Variants in ZHX2 observed in about 807,000 individuals in gnomAD.
The protein encoded by ZHX2 is zinc fingers and homeoboxes 2.
ZHX2 carries 6 observed loss-of-function variants against 21.9 expected under a neutral mutation model. The observed-to-expected ratio is 0.27, with a 90% CI of 0.15 to 0.54. The LOEUF is 0.54. ZHX2 is among the 20% of genes least tolerant of loss of function. The pLI is 0.95. For missense variants in ZHX2, 908 were observed against 1,090.7 expected (o/e 0.83, Z 2.36); for synonymous variants, 434 against 437.1 (o/e 0.99, Z 0.09).
Position 122,949,385 on chromosome 8 carries a change from A to G in ZHX2, c.-219-1907A>G, listed in dbSNP as rs186022400. Among the ~76,000 whole-genome samples, 686 of 152,366 alleles carry G rather than the reference A, an allele frequency of 4.5e-3. 1 individual carries two copies. The highest frequency in any genetic ancestry group is 9.1e-3 in the South Asian group (44 of 4,834). On this transcript the variant is annotated intron_variant, in intron 2 of 3. Transcript: ENST00000314393. ...TTTGCAACAAACTTAGTAAAGCATTAGTATTATTTATGTAAAGAGAATTCT... is the reference window on the plus strand; with the variant it reads ...TTTGCAACAAACTTAGTAAAGCATTGGTATTATTTATGTAAAGAGAATTCT...
intron 2 of ZHX2, among the ~76,000 whole-genome samples, chr8:122,925,935 T>TG (rs201457410): frequency 0.012 from 1,834 of 151,442 alleles, 56 homozygotes; most frequent in Admixed American, 0.065. Context: ...TGGGACAGAG[T>TG]GGGGGGGCAC....
chr8:122,841,340 A>G (rs1169176542), intron 1 of ZHX2, among the ~76,000 whole-genome samples: 5 of 152,206 alleles, frequency 3.3e-5, no homozygotes, highest in Admixed American at 3.3e-4. Context: ...GTGGCGCATC[A>G]TAAGAATTCC....
chr8:122,906,588 T>C (rs1270361582), intron 2 of ZHX2, among the ~76,000 whole-genome samples: 1 of 152,076 alleles, frequency 6.6e-6, no homozygotes, highest in African/African-American at 2.4e-5. Context: ...TTAAAAGCAG[T>C]TACTTCTGGG....
chr8:122,833,804 G>A (rs1181153184), intron 1 of ZHX2, among the ~76,000 whole-genome samples: 2 of 152,092 alleles, frequency 1.3e-5, no homozygotes, highest in Non-Finnish European at 2.9e-5. Flanking sequence ...AGACCATCCT[G>A]GCTAACACGG....
chr8:122,789,200 G>A (rs1030191405), intron 1 of ZHX2, among the ~76,000 whole-genome samples: 6 of 152,208 alleles, frequency 3.9e-5, no homozygotes, highest in South Asian at 4.1e-4. Flanking sequence ...AATAAAAGAG[G>A]ATCATTGTAA....
At chr8:122,833,121 G>A (rs1818414963) in intron 1 of ZHX2, among the ~76,000 whole-genome samples, 2 of 152,150 alleles carry the variant, frequency 1.3e-5, no homozygotes. Flanking sequence ...CGAGTGTAAA[G>A]GAATTGTGAA....
At chr8:122,865,324 T>C (rs1455234676) in intron 2 of ZHX2, among the ~76,000 whole-genome samples, 2 of 152,036 alleles carry the variant, frequency 1.3e-5, no homozygotes, top group Non-Finnish European at 2.9e-5. Flanking sequence ...GAGATGGGGT[T>C]TCACCATGTT....
chr8:122,808,604 G>A (rs1171845265), intron 1 of ZHX2: 1 of 152,088 alleles, frequency 6.6e-6, no homozygotes, highest in African/African-American at 2.4e-5. Context: ...ATTTGGGTGG[G>A]GACACAGTCA....
intron 3 of ZHX2, among the ~76,000 whole-genome samples, chr8:122,956,400 A>G (rs1449435463): frequency 6.6e-6 from 1 of 152,096 alleles, no homozygotes; most frequent in Non-Finnish European, 1.5e-5. Flanking sequence ...CATCAGTGTG[A>G]TATGTGTTAC....
intron 1 of ZHX2, among the ~76,000 whole-genome samples, chr8:122,823,737 C>T (rs1818203350): frequency 6.6e-6 from 1 of 152,220 alleles, no homozygotes. Context: ...GATCTCTGCT[C>T]AGATATGGAC....
chr8:122,852,659 T>C (rs1818927258), intron 1 of ZHX2, among the ~76,000 whole-genome samples: 1 of 152,076 alleles, frequency 6.6e-6, no homozygotes, highest in African/African-American at 2.4e-5. Flanking sequence ...ATCCATGCTT[T>C]TGAGACCGAG....
chr8:122,841,038 T>C (rs1408600519), intron 1 of ZHX2, among the ~76,000 whole-genome samples: 1 of 152,166 alleles, frequency 6.6e-6, no homozygotes, highest in African/African-American at 2.4e-5. Flanking sequence ...ACATGAAAAC[T>C]CTTGTTTCGA....
At position 122,952,049 on chromosome 8, in the gene ZHX2, C is replaced by T. The variant is rs775637656; in HGVS notation, c.539C>T (p.Ser180Leu). ...ACTGGTGACAGTGATTCTGGGATCT[C>T]GGTGAGTAAAACCCCCATCATGAAG... is the stretch of plus-strand genomic sequence containing the variant. ...PGTGDSDSGI[S>L]VSKTPIMKPG... Residue 180 changes from serine to leucine, a missense_variant, in exon 3 of 4, where the codon TCG becomes TTG. By Grantham distance (145) the Ser-to-Leu change is moderately radical (BLOSUM62 -2). Around this residue, in one of 4 missense-constraint regions of ZHX2, gnomAD observed 220 missense variants for 251.4 expected, o/e 0.88. Coordinates refer to ENST00000314393, the MANE Select transcript of ZHX2 (RefSeq NM_014943.5). The surrounding 1 kb of genome is among the most constrained non-coding windows in gnomAD (Gnocchi z 6.9). 1.3e-4 allele frequency: 207 copies of T among 1,613,492 alleles called. 2 individuals are homozygous for T. The Middle Eastern group carries it at 2.6e-3, about 21-fold the overall frequency.
intron 2 of ZHX2, among the ~76,000 whole-genome samples, chr8:122,869,397 G>A (rs746160905): frequency 5.3e-5 from 8 of 151,140 alleles, no homozygotes; most frequent in African/African-American, 1.5e-4. Flanking sequence ...CTGCGATCTC[G>A]GCTCACTGCA....
intron 2 of ZHX2, among the ~76,000 whole-genome samples, chr8:122,950,675 T>G (rs1479987565): frequency 6.6e-6 from 1 of 152,140 alleles, no homozygotes; most frequent in Non-Finnish European, 1.5e-5. Flanking sequence ...ATACCACACG[T>G]GATGATTTCA....
At chr8:122,955,074 G>GA (rs1382942491) in intron 3 of ZHX2, among the ~76,000 whole-genome samples, 1 of 134,982 alleles carries the variant, frequency 7.4e-6, no homozygotes, top group African/African-American at 2.8e-5. Context: ...TAAGCCGGGG[G>GA]GGGGGGGGTG....
intron 1 of ZHX2, among the ~76,000 whole-genome samples, chr8:122,856,646 G>A (rs1819030934): frequency 6.6e-6 from 1 of 152,114 alleles, no homozygotes; most frequent in South Asian, 2.1e-4. Flanking sequence ...GTTGGAGCCA[G>A]AGTTCCCTGA....
chr8:122,816,077 C>T (rs1818027193), intron 1 of ZHX2, among the ~76,000 whole-genome samples: 1 of 99,334 alleles, frequency 1.0e-5, no homozygotes, highest in Non-Finnish European at 2.1e-5. Flanking sequence ...AAGACTCCGT[C>T]TCAAAAAAAA....
chr8:122,958,332 T>C (rs1440025639), intron 3 of ZHX2, among the ~76,000 whole-genome samples: 1 of 152,234 alleles, frequency 6.6e-6, no homozygotes, highest in Non-Finnish European at 1.5e-5. Context: ...AGCCATTCCA[T>C]TGAGGGACCT....
Sources: gnomAD v4.1 joint callset for allele counts (sites outside exome capture counted in the v4.1 genomes callset) on GRCh38, gnomAD v4.1.1 for gene constraint, gnomAD v4.1.1 regional missense constraint, Gnocchi (gnomAD v3.1) non-coding constraint, MANE v1.5 for transcripts, NCBI Gene and HGNC (gene_info 2026-07-23, HGNC 2026-07-21) for gene names.